Variants in KLHL8 observed in about 807,000 individuals in gnomAD.
KLHL8 encodes kelch like family member 8.
In KLHL8, 38 loss-of-function variants were observed where a neutral mutation model predicts 63.5. The observed-to-expected ratio is 0.60, with a 90% confidence interval of 0.46 to 0.78. KLHL8 has a LOEUF of 0.78. KLHL8 is among the 30% of genes least tolerant of loss of function. The pLI, the probability that KLHL8 is intolerant of heterozygous loss-of-function variation, is 0.00. For missense variants in KLHL8, 566 were observed against 752.4 expected (o/e 0.75, Z 2.90); for synonymous variants, 224 against 254.3 (o/e 0.88, Z 1.13).
At chr4:87,165,034 A>G (rs1341538930) in intron 8 of KLHL8, among the ~76,000 whole-genome samples, 2 of 151,510 alleles carry the variant, frequency 1.3e-5, no homozygotes, top group African/African-American at 2.4e-5. Context: ...CTGTAGTCCC[A>G]GCTACTCGGG....
intron 8 of KLHL8, chr4:87,167,425 T>G: frequency 2.1e-6 from 1 of 474,726 alleles, no homozygotes; most frequent in Non-Finnish European, 4.2e-6. Context: ...TAAGGTGTTC[T>G]CCTACTCCAG....
chr4:87,176,423 G>A (rs1730818875), intron 6 of KLHL8, among the ~76,000 whole-genome samples: 1 of 152,188 alleles, frequency 6.6e-6, no homozygotes, highest in African/African-American at 2.4e-5. Context: ...ATCATCCTCA[G>A]TTGAGAACCA....
In KLHL8 at chr4:87,160,265, T is replaced by C. The variant is rs149958797; in HGVS notation, c.*3254A>G. On this transcript the variant is annotated 3_prime_UTR_variant, in exon 10 of 10. Transcript: ENST00000273963. ...TATAAATGGTTTTAAGAAAATATTATAGAGAAGTTTTACTGACACTTGGAA... is the reference window on the plus strand; with the variant it reads ...TATAAATGGTTTTAAGAAAATATTACAGAGAAGTTTTACTGACACTTGGAA... 3.3e-5 allele frequency: 5 copies of C among 152,294 alleles called. No individual in the cohort carries two copies. In the East Asian group the frequency reaches 5.8e-4, roughly 18 times the overall value. 9.4% of individuals were successfully genotyped at this position (152,294 alleles called of 1,614,324 possible).
Position 87,226,903 on chromosome 4 carries a change from T to TATATTATATATAAATAATAC in KLHL8, n.58-5514_58-5513insGTATTATTTATATATAATAT, listed in dbSNP as rs1560723848. On this transcript the variant is annotated intron_variant and non_coding_transcript_variant, in intron 1 of 1. Transcript: ENST00000506274. ...TAATATATATTATATATAAATAATA[T>TATATTATATATAAATAATAC]ATAATATATAAATAATATATATATT... Among the ~76,000 whole-genome samples the TATATTATATATAAATAATAC allele has an allele frequency of 5.7e-4, 24 of 42,046 alleles. 1 individual carries two copies. The highest frequency in any genetic ancestry group is 1.4e-3 in the Admixed American group (3 of 2,086). 27.6% of individuals were successfully genotyped at this position (42,046 alleles called of 152,430 possible).
intron 1 of KLHL8, among the ~76,000 whole-genome samples, chr4:87,225,844 G>A (rs1732963529): frequency 6.6e-6 from 1 of 152,086 alleles, no homozygotes; most frequent in Non-Finnish European, 1.5e-5. Flanking sequence ...AAATGCGGGT[G>A]TTGTTGTTTT....
At chr4:87,224,084 T>G (rs953895515), upstream of KLHL8, among the ~76,000 whole-genome samples, 1 of 151,974 alleles carries the variant, frequency 6.6e-6, no homozygotes, top group Admixed American at 6.6e-5. Flanking sequence ...AAATTTGAGA[T>G]GGAGTCTCGC....
At chr4:87,232,326 A>C (rs1045135773) in intron 1 of KLHL8, among the ~76,000 whole-genome samples, 8 of 152,084 alleles carry the variant, frequency 5.3e-5, no homozygotes, top group Admixed American at 3.3e-4. Flanking sequence ...TTCTTATTGT[A>C]TTTGTGAGAT....
At chr4:87,168,668 ATGTG>A (rs1304915012) in intron 8 of KLHL8, among the ~76,000 whole-genome samples, 70 of 147,732 alleles carry the variant, frequency 4.7e-4, no homozygotes, top group African/African-American at 1.6e-3. Flanking sequence ...ATGTATATAT[ATGTG>A]TGTATATATG....
chr4:87,170,242 A>C lies in KLHL8; in HGVS notation c.1378-4T>G. 6.2e-7 allele frequency: 1 copy of C among 1,604,604 alleles called. No individual in the cohort carries two copies. Among genetic ancestry groups the C allele is most frequent in the East Asian group, 2.2e-5 (1 of 44,794 alleles). ...CACCTACTGCATAAACATGGTTCTA[A>C]ATGAAGAGAGTCAAACAAAACACAT... is the stretch of plus-strand genomic sequence containing the variant. On this transcript the variant is annotated splice_polypyrimidine_tract_variant and splice_region_variant and intron_variant, in intron 7 of 9. Transcript: ENST00000273963.
intron 6 of KLHL8, among the ~76,000 whole-genome samples, chr4:87,172,406 C>T (rs528363184): frequency 8.5e-5 from 13 of 152,286 alleles, no homozygotes; most frequent in African/African-American, 2.9e-4. Context: ...AGTAGAAAGC[C>T]TAGCAAAACC....
At chr4:87,180,282 T>C (rs943088299) in intron 4 of KLHL8, among the ~76,000 whole-genome samples, 21 of 152,334 alleles carry the variant, frequency 1.4e-4, no homozygotes, top group African/African-American at 5.1e-4. Flanking sequence ...ATTAAGCAAT[T>C]ATGCATTAAC....
chr4:87,200,787 G>C (rs771142798), intron 1 of KLHL8, among the ~76,000 whole-genome samples: 12 of 152,066 alleles, frequency 7.9e-5, no homozygotes, highest in South Asian at 2.1e-4. Context: ...TCCACTTCTA[G>C]GTATATATCC....
intron 6 of KLHL8, among the ~76,000 whole-genome samples, chr4:87,176,139 T>C (rs1426391397): frequency 6.6e-6 from 1 of 152,238 alleles, no homozygotes; most frequent in Non-Finnish European, 1.5e-5. Context: ...GCTATGGCTG[T>C]GTAACATGTT....
chr4:87,164,215 C>T (rs1448513457), intron 8 of KLHL8, 136 bp from the exon 9 acceptor site: 1 of 707,690 alleles, frequency 1.4e-6, no homozygotes, highest in East Asian at 2.7e-5. Context: ...TTAAAAAATT[C>T]ATCCCAATAC....
At chr4:87,209,841 G>A (rs975280411) in intron 1 of KLHL8, among the ~76,000 whole-genome samples, 1 of 130,246 alleles carries the variant, frequency 7.7e-6, no homozygotes, top group Non-Finnish European at 1.6e-5. Flanking sequence ...TTGGTGTTCC[G>A]TTTTGGGTTT....
At chr4:87,226,728 ATATATATT>A (rs1732998608) in intron 1 of KLHL8, among the ~76,000 whole-genome samples, 2 of 13,184 alleles carry the variant, frequency 1.5e-4, no homozygotes, top group Non-Finnish European at 2.3e-4. Context: ...TTTATATATA[ATATATATT>A]ATTTATATAT....
chr4:87,182,789 GA>G, intron 4 of KLHL8, among the ~76,000 whole-genome samples: 1 of 152,048 alleles, frequency 6.6e-6, no homozygotes, highest in Non-Finnish European at 1.5e-5. Flanking sequence ...TTGGTAAAAT[GA>G]AAAAACAAAT....
upstream of KLHL8, among the ~76,000 whole-genome samples, chr4:87,224,470 T>C (rs1423117882): frequency 1.3e-5 from 2 of 152,286 alleles, no homozygotes; most frequent in African/African-American, 4.8e-5. Flanking sequence ...TTTATCTTCA[T>C]TTGCTAGGGA....
At chr4:87,216,967 T>G (rs1053067609) in intron 1 of KLHL8, among the ~76,000 whole-genome samples, 9 of 152,032 alleles carry the variant, frequency 5.9e-5, no homozygotes, top group Non-Finnish European at 5.9e-5. Flanking sequence ...AGGAAAGAGG[T>G]TTAGAAAATT....
Sources: gnomAD v4.1 joint callset for allele counts (sites outside exome capture counted in the v4.1 genomes callset) on GRCh38, gnomAD v4.1.1 for gene constraint, MANE v1.5 for transcripts, NCBI Gene and HGNC (gene_info 2026-07-23, HGNC 2026-07-21) for gene names.